The following GRM5 variants were observed in gnomAD, a reference collection of about 807,000 sequenced individuals.
GRM5 encodes the protein metabotropic glutamate receptor 5.
In GRM5, 19 loss-of-function variants were observed where a neutral mutation model predicts 83.1. That is an observed-to-expected ratio of 0.23 (90% CI 0.16 to 0.34). The LOEUF is 0.34. Ranked by LOEUF, GRM5 falls within the 10% of genes least tolerant of loss-of-function variation. The pLI is 1.00. For missense variants in GRM5, 1,160 were observed against 1,588.3 expected (o/e 0.73, Z 4.58); for synonymous variants, 675 against 633.6 (o/e 1.07, Z -0.98).
chr11:88,654,980 G>A (rs1013445020), intron 3 of GRM5, among the ~76,000 whole-genome samples: 4 of 151,950 alleles, frequency 2.6e-5, no homozygotes, highest in Non-Finnish European at 5.9e-5. Flanking sequence ...TATCATAAGG[G>A]CTTGAGATGA....
intron 1 of GRM5, among the ~76,000 whole-genome samples, chr11:89,055,671 T>G (rs1941858200): frequency 6.6e-6 from 1 of 151,844 alleles, no homozygotes; most frequent in Non-Finnish European, 1.5e-5. Context: ...AAGCTTATAA[T>G]ATTTTATTTT....
intron 2 of GRM5, among the ~76,000 whole-genome samples, chr11:88,952,227 T>G (rs1219829403): frequency 2.6e-5 from 4 of 152,204 alleles, no homozygotes; most frequent in African/African-American, 9.7e-5. Context: ...ACCCAGTCTC[T>G]GCCACTTTTC....
chr11:88,717,886 A>T (rs1192003436), intron 3 of GRM5, among the ~76,000 whole-genome samples: 1 of 151,802 alleles, frequency 6.6e-6, no homozygotes, highest in Non-Finnish European at 1.5e-5. Context: ...TAGAAGGATA[A>T]TTACGTATTA....
At chr11:88,658,075 A>T (rs894676774) in intron 3 of GRM5, among the ~76,000 whole-genome samples, 1 of 152,080 alleles carries the variant, frequency 6.6e-6, no homozygotes, top group Non-Finnish European at 1.5e-5. Flanking sequence ...GCCCTGGGTG[A>T]GTGAGCATTA....
At chr11:88,623,690 A>AG (rs1938707788) in intron 4 of GRM5, among the ~76,000 whole-genome samples, 1 of 152,226 alleles carries the variant, frequency 6.6e-6, no homozygotes, top group South Asian at 2.1e-4. Flanking sequence ...GAGAAAGCTA[A>AG]GTACAGCAAA....
At chr11:88,679,236 G>C (rs1471546393) in intron 3 of GRM5, among the ~76,000 whole-genome samples, 2 of 151,918 alleles carry the variant, frequency 1.3e-5, no homozygotes, top group African/African-American at 4.8e-5. Context: ...GAAAGAGTGA[G>C]GACATTTAAG....
rs146403705 is a variant in GRM5, at chr11:88,735,658, T to G, written c.912-82255A>C. 2.9e-3 allele frequency among the ~76,000 whole-genome samples: 436 copies of G among 152,210 alleles called. 1 individual carries two copies. Among genetic ancestry groups the G allele is most frequent in the African/African-American group, 0.01 (416 of 41,562 alleles). On this transcript the variant is annotated intron_variant, in intron 3 of 9. Transcript: ENST00000305447. ...TGTACCTAGGAACAATGCCACACAC[T>G]TGCATTGACATCTGTCTGTGTATTC...
At chr11:88,943,723 T>C (rs1247308791) in intron 2 of GRM5, among the ~76,000 whole-genome samples, 4 of 151,868 alleles carry the variant, frequency 2.6e-5, no homozygotes, top group African/African-American at 9.7e-5. Context: ...TTAATAACAT[T>C]GAATTTGCTT....
intron 3 of GRM5, among the ~76,000 whole-genome samples, chr11:88,687,523 C>CATACAT (rs1940660894): frequency 3.3e-5 from 1 of 30,082 alleles, no homozygotes; most frequent in African/African-American, 8.9e-5. Context: ...CACACACACA[C>CATACAT]ACATACATAT....
chr11:88,908,870 A>G (rs1945448464), intron 2 of GRM5, among the ~76,000 whole-genome samples: 1 of 152,126 alleles, frequency 6.6e-6, no homozygotes, highest in Non-Finnish European at 1.5e-5. Context: ...GAGTTTACCT[A>G]TATGCATATG....
At chr11:88,937,073 T>TA (rs893286467) in intron 2 of GRM5, among the ~76,000 whole-genome samples, 1 of 151,616 alleles carries the variant, frequency 6.6e-6, no homozygotes, top group African/African-American at 2.4e-5. Context: ...GAGAGTAATT[T>TA]AAAAAAACTC....
chr11:88,640,573 C>A (rs1939262098), intron 4 of GRM5, among the ~76,000 whole-genome samples: 1 of 152,142 alleles, frequency 6.6e-6, no homozygotes, highest in Non-Finnish European at 1.5e-5. Context: ...GGAGTCCTCA[C>A]AAGACTACCC....
At chr11:88,924,724 A>G (rs1945756589) in intron 2 of GRM5, among the ~76,000 whole-genome samples, 1 of 151,968 alleles carries the variant, frequency 6.6e-6, no homozygotes, top group Non-Finnish European at 1.5e-5. Context: ...AAGTTTAGAT[A>G]TCTAATATTA....
At chr11:88,970,476 T>C (rs1939134557) in intron 2 of GRM5, among the ~76,000 whole-genome samples, 1 of 152,208 alleles carries the variant, frequency 6.6e-6, no homozygotes, top group Non-Finnish European at 1.5e-5. Flanking sequence ...AACATCATCA[T>C]TTGGCCTCAA....
intron 2 of GRM5, among the ~76,000 whole-genome samples, chr11:88,851,083 A>G (rs370338903): frequency 5.9e-5 from 9 of 152,142 alleles, no homozygotes; most frequent in Admixed American, 5.2e-4. Flanking sequence ...TCACAGATCT[A>G]ATAGCATAGG....
At chr11:88,646,758 G>A (rs1385697505) in intron 4 of GRM5, among the ~76,000 whole-genome samples, 3 of 151,964 alleles carry the variant, frequency 2.0e-5, no homozygotes, top group African/African-American at 7.2e-5. Flanking sequence ...CTAACACAAA[G>A]AGAAGAGCAG....
At chr11:88,918,125 C>A (rs1445368469) in intron 2 of GRM5, among the ~76,000 whole-genome samples, 1 of 151,752 alleles carries the variant, frequency 6.6e-6, no homozygotes, top group Non-Finnish European at 1.5e-5. Flanking sequence ...ATACATCTGG[C>A]AGCAGACTTA....
At chr11:88,606,293 C>G (rs191810202) in intron 4 of GRM5, among the ~76,000 whole-genome samples, 1 of 152,122 alleles carries the variant, frequency 6.6e-6, no homozygotes, top group Non-Finnish European at 1.5e-5. Context: ...GAGGCTGAGG[C>G]GAGTGGATCA....
chr11:88,787,203 C>T (rs1213976594), intron 3 of GRM5, among the ~76,000 whole-genome samples: 1 of 150,374 alleles, frequency 6.7e-6, no homozygotes, highest in Non-Finnish European at 1.5e-5. Context: ...CAGAAAATGC[C>T]CCTCTGAAGA....
Sources: gnomAD v4.1 joint callset for allele counts (sites outside exome capture counted in the v4.1 genomes callset) on GRCh38, gnomAD v4.1.1 for gene constraint, MANE v1.5 for transcripts, NCBI Gene and HGNC (gene_info 2026-07-23, HGNC 2026-07-21) for gene names.